The following LNX1 variants were observed in gnomAD, a reference collection of about 807,000 sequenced individuals.
The protein encoded by LNX1 is ligand of numb-protein X 1, also known as E3 ubiquitin-protein ligase LNX.
In LNX1, 54 loss-of-function variants were observed where a neutral mutation model predicts 68.4. The observed-to-expected ratio is 0.79, with a 90% CI of 0.63 to 0.99. The LOEUF (loss-of-function observed/expected upper bound fraction) is 0.99, where lower values mean the gene tolerates loss of function less well. LNX1 is among the 50% of genes least tolerant of loss of function. LNX1 has a pLI of 0.00. For synonymous variants in LNX1, 336 were observed against 350.0 expected (o/e 0.96, Z 0.45); for missense variants, 906 against 926.4 (o/e 0.98, Z 0.29).
intron 2 of LNX1, among the ~76,000 whole-genome samples, chr4:53,556,938 A>G (rs1729954045): frequency 6.6e-6 from 1 of 152,176 alleles, no homozygotes; most frequent in Non-Finnish European, 1.5e-5. Context: ...ACTGACTGTA[A>G]TTTACACATA....
At position 53,459,876 on chromosome 4, in the gene LNX1, A is replaced by G. The variant is rs2150527292; in HGVS notation, c.*1031T>C. 1 of 236,096 alleles carries G rather than the reference A, an allele frequency of 4.2e-6. No homozygotes were observed. The highest frequency in any genetic ancestry group is 8.3e-6 in the Non-Finnish European group (1 of 120,218). The allele number at this position is 236,096 out of a possible 1,614,324, so 14.6% of individuals were successfully genotyped here. A position where few individuals can be genotyped will look rare whatever the true frequency, so the allele number is the denominator to read the frequency against. ...AGGCTTGAGATTAAAACTAGTCTTT[A>G]TCATTACTGCTGTGACACTCTTGCT... On this transcript the variant is annotated 3_prime_UTR_variant, in exon 11 of 11. Coordinates refer to ENST00000263925, the MANE Select transcript of LNX1 (RefSeq NM_001126328.3).
chr4:53,593,620 G>A (rs769152081), upstream of LNX1, among the ~76,000 whole-genome samples: 2 of 151,972 alleles, frequency 1.3e-5, no homozygotes, highest in Non-Finnish European at 2.9e-5. Flanking sequence ...GATCTTTCTT[G>A]GTACTCCTGG....
At chr4:53,558,756 A>G (rs1730093365) in intron 2 of LNX1, among the ~76,000 whole-genome samples, 1 of 152,194 alleles carries the variant, frequency 6.6e-6, no homozygotes, top group Non-Finnish European at 1.5e-5. Context: ...CCTGGGGGGA[A>G]TGAATTGAGC....
intron 9 of LNX1, among the ~76,000 whole-genome samples, chr4:53,471,525 G>C (rs371312672): frequency 5.3e-5 from 8 of 152,078 alleles, no homozygotes; most frequent in Non-Finnish European, 1.2e-4. Context: ...TCTGCACAGC[G>C]AAAGAAACTA....
rs1560699049 is a variant in LNX1 at position 53,626,536 on chromosome 4, T to A, written c.-215+25632A>T. On this transcript the variant is annotated intron_variant, in intron 1 of 2. Transcript: ENST00000507168. ...CAAGGGACTATGCTAGTGTTAGGCA[T>A]AACAGCATTTTGAAAAGATCACCTG... 2.0e-5 allele frequency among the ~76,000 whole-genome samples: 3 copies of A among 152,222 alleles called. No homozygotes were observed. The South Asian group carries it at 6.2e-4, about 31-fold the overall frequency.
rs1313299468 is a variant in LNX1 at position 53,459,365 on chromosome 4, A to G, written c.*1542T>C. Reference sequence around the variant, plus strand: ...GTCACAGGAGACACAAACACAAAAAATCTAAAAGAAGCAAAGAAGGAAAAG... The same window carrying G: ...GTCACAGGAGACACAAACACAAAAAGTCTAAAAGAAGCAAAGAAGGAAAAG... On this transcript the variant is annotated 3_prime_UTR_variant, in exon 11 of 11. Transcript: ENST00000263925. 2 of 1,613,160 alleles carry G rather than the reference A, an allele frequency of 1.2e-6. No homozygotes were observed. Among genetic ancestry groups the G allele is most frequent in the Non-Finnish European group, 1.7e-6 (2 of 1,179,654 alleles).
At chr4:53,515,511 C>G (rs1560639515) in intron 2 of LNX1, among the ~76,000 whole-genome samples, 1 of 149,288 alleles carries the variant, frequency 6.7e-6, no homozygotes, top group African/African-American at 2.5e-5. Context: ...TTTAAGGCCC[C>G]CACCCCACCA....
chr4:53,502,201 T>C (rs1725554499), intron 4 of LNX1, among the ~76,000 whole-genome samples: 1 of 152,226 alleles, frequency 6.6e-6, no homozygotes, highest in South Asian at 2.1e-4. Context: ...CAACACACAG[T>C]CAGCATCCCA....
chr4:53,582,567 A>C (rs1377886983), intron 1 of LNX1, among the ~76,000 whole-genome samples: 7 of 152,206 alleles, frequency 4.6e-5, no homozygotes. Context: ...ATTTTTGCAC[A>C]TTTAAAAGTT....
intron 2 of LNX1, among the ~76,000 whole-genome samples, chr4:53,602,589 C>T (rs73147500): frequency 0.014 from 2,127 of 152,248 alleles, 36 homozygotes; most frequent in African/African-American, 0.048. Flanking sequence ...CTATAATGGG[C>T]GGTCTGTGAG....
chr4:53,578,316 A>C (rs577524611), intron 1 of LNX1, among the ~76,000 whole-genome samples: 1 of 152,294 alleles, frequency 6.6e-6, no homozygotes, highest in Admixed American at 6.5e-5. Flanking sequence ...CCTTGGGTGA[A>C]CATCATAGAG....
chr4:53,483,947 G>C (rs918981261), intron 6 of LNX1, among the ~76,000 whole-genome samples: 6 of 152,188 alleles, frequency 3.9e-5, no homozygotes, highest in Non-Finnish European at 5.9e-5. Context: ...AGCATTTGGA[G>C]GTAGGGCCTT....
intron 4 of LNX1, among the ~76,000 whole-genome samples, chr4:53,507,043 A>T (rs920735322): frequency 2.0e-5 from 3 of 152,096 alleles, no homozygotes; most frequent in African/African-American, 4.8e-5. Flanking sequence ...TTTTTCACTC[A>T]TTAATTATAA....
intron 2 of LNX1, among the ~76,000 whole-genome samples, chr4:53,537,451 G>A (rs1216589455): frequency 1.3e-5 from 2 of 152,186 alleles, no homozygotes; most frequent in Non-Finnish European, 2.9e-5. Flanking sequence ...ACCAACAGGT[G>A]GCCAGATGCA....
chr4:53,493,321 A>G (rs2109458918), intron 6 of LNX1, among the ~76,000 whole-genome samples: 1 of 152,302 alleles, frequency 6.6e-6, no homozygotes, highest in Admixed American at 6.5e-5. Context: ...ACTTGGCATG[A>G]GCTCGGGCCC....
At chr4:53,482,234 G>T (rs1723963560) in intron 6 of LNX1, among the ~76,000 whole-genome samples, 1 of 152,156 alleles carries the variant, frequency 6.6e-6, no homozygotes, top group African/African-American at 2.4e-5. Flanking sequence ...CCAAAGCAAA[G>T]ATCTAAGATC....
intron 1 of LNX1, among the ~76,000 whole-genome samples, chr4:53,586,439 C>T (rs935103864): frequency 3.3e-5 from 5 of 152,120 alleles, no homozygotes; most frequent in African/African-American, 1.2e-4. Context: ...TGGAGAGTTT[C>T]GACTCTGCTG....
intron 1 of LNX1, chr4:53,579,296 T>C (rs1165622945): frequency 2.0e-6 from 2 of 983,326 alleles, no homozygotes; most frequent in African/African-American, 1.7e-5. Flanking sequence ...TTTTTCAGTA[T>C]AACCCTGTGG....
intron 2 of LNX1, among the ~76,000 whole-genome samples, chr4:53,573,327 G>C (rs1298574243): frequency 6.6e-6 from 1 of 152,146 alleles, no homozygotes; most frequent in Non-Finnish European, 1.5e-5. Context: ...GGTGATAGTT[G>C]CACAATACAT....
Sources: gnomAD v4.1 joint callset for allele counts (sites outside exome capture counted in the v4.1 genomes callset) on GRCh38, gnomAD v4.1.1 for gene constraint, MANE v1.5 for transcripts, NCBI Gene and HGNC (gene_info 2026-07-23, HGNC 2026-07-21) for gene names.